Variants in DMTN observed in about 807,000 individuals in gnomAD.
DMTN encodes the protein dematin.
DMTN carries 27 observed loss-of-function variants against 59.4 expected under a neutral mutation model. The ratio of observed to expected loss-of-function variants is 0.45; its 90% CI spans 0.33 to 0.63. DMTN has a LOEUF of 0.63. Ranked by LOEUF, DMTN falls within the 20% of genes least tolerant of loss-of-function variation. The probability of loss-of-function intolerance (pLI) is 0.02; values close to 1 mark genes in which losing one functional copy is unlikely to be tolerated. For synonymous variants in DMTN, 221 were observed against 203.7 expected (o/e 1.08, Z -0.72); for missense variants, 451 against 528.9 (o/e 0.85, Z 1.45).
intron 3 of DMTN, 71 bp downstream of exon 3, chr8:22,067,230 G>C: frequency 6.6e-7 from 1 of 1,526,556 alleles, no homozygotes; most frequent in South Asian, 1.2e-5. Context: ...CTGGCTGCTA[G>C]CGTGCCTTCC....
chr8:22,076,612 A>G (rs1819997024), intron 10 of DMTN, among the ~76,000 whole-genome samples: 1 of 151,712 alleles, frequency 6.6e-6, no homozygotes, highest in South Asian at 2.1e-4. Flanking sequence ...GTATATATAT[A>G]TGTCACTATA....
rs75493352 is a variant in DMTN at position 22,082,195 on chromosome 8, G to A, written c.*732G>A. ...AGAAGCTGGGCCTTCCGCCTCCCTT[G>A]GATGGGGTCAAGAGGCCAGGCCTGG... On this transcript the variant is annotated 3_prime_UTR_variant, in exon 16 of 16. Coordinates refer to ENST00000358242, the MANE Select transcript of DMTN (RefSeq NM_001387751.1). The A allele has an allele frequency of 0.012, 5,564 of 456,900 alleles. 261 individuals are homozygous for A. Among genetic ancestry groups the A allele is most frequent in the African/African-American group, 0.1 (5,096 of 50,158 alleles). 28.3% of individuals were successfully genotyped at this position (456,900 alleles called of 1,614,324 possible). A position where few individuals can be genotyped will look rare whatever the true frequency, so the allele number is the denominator to read the frequency against.
rs1435810848 is a variant in DMTN, at chr8:22,082,331, C to G, written c.*868C>G. 4.6e-6 allele frequency: 2 copies of G among 430,550 alleles called. No individual in the cohort carries two copies. Among genetic ancestry groups the G allele is most frequent in the African/African-American group, 2.0e-5 (1 of 49,492 alleles). The allele number at this position is 430,550 out of a possible 1,614,324, so 26.7% of individuals were successfully genotyped here. On this transcript the variant is annotated 3_prime_UTR_variant, in exon 16 of 16. Transcript: ENST00000358242. The stretch of plus-strand genomic sequence containing the variant: ...TTGGGGCCCCCCCAGCTGCTTTCCT[C>G]ACCTGCCCCTGCCCTACCTTACACC...
chr8:22,081,286 C>CCAGTGA, intron 15 of DMTN, 64 bp from the exon 16 acceptor site: 1 of 1,595,948 alleles, frequency 6.3e-7, no homozygotes, highest in Non-Finnish European at 8.6e-7. Context: ...AGTGAGTGTC[C>CCAGTGA]CCTAGGTCAC....
At chr8:22,050,189 C>G, upstream of DMTN, among the ~76,000 whole-genome samples, 1 of 152,142 alleles carries the variant, frequency 6.6e-6, no homozygotes, top group Non-Finnish European at 1.5e-5. Context: ...TGGTCTGGAG[C>G]CACAGCTGAT....
chr8:22,070,550 T>C (rs1814546686), intron 8 of DMTN, among the ~76,000 whole-genome samples: 1 of 152,164 alleles, frequency 6.6e-6, no homozygotes, highest in Admixed American at 6.5e-5. Context: ...GGTCATTCAT[T>C]TGCTTTCCAT....
At position 22,069,534 on chromosome 8, in the gene DMTN, A is replaced by G. The variant is rs1476211331; in HGVS notation, c.394+16A>G. On this transcript the variant is annotated intron_variant, in intron 6 of 15. Transcript: ENST00000358242. ...CACCACCCTGGTAGGTCTTCTCGGC[A>G]CGACCTCATTGTTTCCTAAGACTTT... 1.3e-6 allele frequency: 2 copies of G among 1,575,398 alleles called. No homozygotes were observed. Among genetic ancestry groups the G allele is most frequent in the Non-Finnish European group, 8.6e-7 (1 of 1,158,918 alleles).
chr8:22,077,864 G>A (rs1820919102), intron 10 of DMTN, among the ~76,000 whole-genome samples: 1 of 152,182 alleles, frequency 6.6e-6, no homozygotes, highest in Admixed American at 6.6e-5. Context: ...AAGTAATTTG[G>A]AGGGGAAAAT....
At chr8:22,049,387 G>A (rs1243290735), upstream of DMTN, among the ~76,000 whole-genome samples, 1 of 150,870 alleles carries the variant, frequency 6.6e-6, no homozygotes, top group African/African-American at 2.4e-5. Context: ...GGCCCGGGGG[G>A]TAGGGGGCGA....
upstream of DMTN, among the ~76,000 whole-genome samples, chr8:22,055,979 G>A (rs1293967649): frequency 6.6e-6 from 1 of 152,208 alleles, no homozygotes; most frequent in African/African-American, 2.4e-5. Context: ...GTGTGGAGGT[G>A]GAGAGGACAT....
At chr8:22,080,108 G>A in intron 10 of DMTN, 72 bp from the exon 11 acceptor site, 1 of 1,573,336 alleles carries the variant, frequency 6.4e-7, no homozygotes, top group Non-Finnish European at 8.7e-7. Context: ...TGGAAGGCCA[G>A]TGAGGTTGCT....
Position 22,060,413 on chromosome 8 carries a change from G to GCTCTCTCT in DMTN, c.-172+3289_-172+3296dup, listed in dbSNP as rs3063991. On this transcript the variant is annotated intron_variant, in intron 1 of 15. Transcript: ENST00000358242. This position sits in a 1 kb window ranked among gnomAD's most constrained non-coding sequence, Gnocchi z 5.0. Reference sequence around the variant, plus strand: ...CTCTCTCTTTCTCTCTTTCTGTCTCGCTCTCTCTCTCTCTCTCTCCCCCTC... The same window carrying GCTCTCTCT: ...CTCTCTCTTTCTCTCTTTCTGTCTCGCTCTCTCTCTCTCTCTCTCTCTCTCTCCCCCTC... Among the ~76,000 whole-genome samples the GCTCTCTCT allele has an allele frequency of 2.4e-3, 349 of 147,584 alleles. No individual in the cohort carries two copies. Among genetic ancestry groups the GCTCTCTCT allele is most frequent in the African/African-American group, 8.3e-3 (330 of 39,626 alleles).
intron 10 of DMTN, among the ~76,000 whole-genome samples, chr8:22,079,303 A>ATATATATATATATATATATG (rs67715172): frequency 1.9e-5 from 1 of 52,220 alleles, no homozygotes; most frequent in Non-Finnish European, 3.9e-5. Context: ...TATATATATT[A>ATATATATATATATATATATG]GCTGGGTTTG....
intron 1 of DMTN, among the ~76,000 whole-genome samples, chr8:22,057,688 A>G (rs1330863742): frequency 6.6e-6 from 1 of 152,122 alleles, no homozygotes; most frequent in Non-Finnish European, 1.5e-5. Flanking sequence ...CTGCAAGCCC[A>G]AGCCCAGTAC....
chr8:22,054,906 T>C (rs1383143247), upstream of DMTN: 1 of 152,572 alleles, frequency 6.6e-6, no homozygotes, highest in Non-Finnish European at 1.5e-5. Flanking sequence ...GCCGGCAGGT[T>C]GTCTTGGCAA....
intron 1 of DMTN, among the ~76,000 whole-genome samples, chr8:22,063,546 T>A (rs1808188308): frequency 6.6e-6 from 1 of 152,216 alleles, no homozygotes; most frequent in South Asian, 2.1e-4. Context: ...CTCCATGATT[T>A]GGCCTCAACC....
intron 10 of DMTN, among the ~76,000 whole-genome samples, chr8:22,077,895 T>C (rs942702609): frequency 1.3e-5 from 2 of 152,184 alleles, no homozygotes; most frequent in African/African-American, 2.4e-5. Context: ...GGTTTGAAGG[T>C]TGAAATTCTA....
chr8:22,069,390 C>A, intron 5 of DMTN, 29 bp from the exon 6 acceptor site: 2 of 1,591,122 alleles, frequency 1.3e-6, no homozygotes, highest in Admixed American at 1.7e-5. Flanking sequence ...GGGTTAGGGG[C>A]CCTGGAGCCA....
At chr8:22,052,783 C>G (rs932797495), upstream of DMTN, among the ~76,000 whole-genome samples, 3 of 152,264 alleles carry the variant, frequency 2.0e-5, no homozygotes, top group Non-Finnish European at 4.4e-5. Context: ...AGGCCACACT[C>G]AGGGCATACT....
Sources: allele counts gnomAD v4.1 joint callset (sites outside exome capture counted in the v4.1 genomes callset), GRCh38; gene constraint gnomAD v4.1.1; non-coding constraint Gnocchi (gnomAD v3.1); transcripts MANE v1.5; gene names NCBI Gene and HGNC (gene_info 2026-07-23, HGNC 2026-07-21).